KIF13A: variants seen among roughly 807,000 people sequenced by gnomAD.
The protein encoded by KIF13A is kinesin family member 13A, also known as kinesin-like protein KIF13A.
Under a neutral mutation model 212.2 loss-of-function variants are expected in KIF13A, and 79 were observed. The observed-to-expected ratio is 0.37, with a 90% CI of 0.31 to 0.45. The LOEUF (loss-of-function observed/expected upper bound fraction) is 0.45, where lower values mean the gene tolerates loss of function less well. KIF13A is among the 20% of genes least tolerant of loss of function. KIF13A has a pLI of 1.00. For synonymous variants in KIF13A, 789 were observed against 808.6 expected (o/e 0.98, Z 0.41); for missense variants, 1,901 against 2,209.0 (o/e 0.86, Z 2.79).
In KIF13A at chr6:17,834,487, A is replaced by T. The variant is rs563837289; in HGVS notation, c.1156-416T>A. The stretch of plus-strand genomic sequence containing the variant: ...AATTAATCTGCTAGAAAAGGTAAAG[A>T]CTTCTCATGTATTTTAAATTTTGAA... On this transcript the variant is annotated intron_variant, in intron 11 of 38. Transcript: ENST00000259711. The surrounding 1 kb of genome is among the most constrained non-coding windows in gnomAD (Gnocchi z 4.0). Among the ~76,000 whole-genome samples, 5 of 152,144 alleles carry T rather than the reference A, an allele frequency of 3.3e-5. No homozygotes were observed. The highest frequency in any genetic ancestry group is 7.4e-5 in the Non-Finnish European group (5 of 68,026).
Position 17,787,913 on chromosome 6 carries a change from C to T in KIF13A, c.3262-38G>A. ...AGGGAAAATATTTTCCTGTAGACTG[C>T]ACAGACAACGATTTCTTTCTTTCTT... On this transcript the variant is annotated intron_variant, in intron 26 of 38. Coordinates refer to ENST00000259711, the MANE Select transcript of KIF13A (RefSeq NM_022113.6). The surrounding 1 kb of genome is among the most constrained non-coding windows in gnomAD (Gnocchi z 4.6). The T allele has an allele frequency of 9.4e-7, 1 of 1,062,120 alleles. No individual in the cohort carries two copies. The highest frequency in any genetic ancestry group is 1.4e-6 in the Non-Finnish European group (1 of 696,018). 65.8% of individuals were successfully genotyped at this position (1,062,120 alleles called of 1,614,324 possible). A position where few individuals can be genotyped will look rare whatever the true frequency, so the allele number is the denominator to read the frequency against.
At chr6:17,804,010 G>C (rs183043514) in intron 20 of KIF13A, among the ~76,000 whole-genome samples, 1 of 152,120 alleles carries the variant, frequency 6.6e-6, no homozygotes, top group South Asian at 2.1e-4. Flanking sequence ...AAATTAGCCC[G>C]ATATGGTGGT....
chr6:17,822,039 ACTT>A (rs1404466584), intron 16 of KIF13A: 5 of 692,366 alleles, frequency 7.2e-6, no homozygotes, highest in African/African-American at 2.2e-5. Flanking sequence ...GGGAAACATA[ACTT>A]CTTTTTTTTT....
intron 4 of KIF13A, 48 bp downstream of exon 4, chr6:17,873,329 A>T (rs41267728): frequency 2.4e-6 from 3 of 1,260,578 alleles, no homozygotes; most frequent in Non-Finnish European, 3.4e-6. Flanking sequence ...ACTCAATGGA[A>T]GAAGAGGCCA....
intron 2 of KIF13A, among the ~76,000 whole-genome samples, chr6:17,908,108 C>G (rs1473114941): frequency 6.6e-6 from 1 of 152,258 alleles, no homozygotes; most frequent in Admixed American, 6.5e-5. Flanking sequence ...AAGGAAAAAT[C>G]TGTAAGACTT....
chr6:17,767,535 G>T (rs901123918), intron 38 of KIF13A, among the ~76,000 whole-genome samples: 1 of 152,194 alleles, frequency 6.6e-6, no homozygotes, highest in Non-Finnish European at 1.5e-5. Context: ...GATTACAGGT[G>T]TGAGCCACCA....
rs1401381542 is a variant in KIF13A, at chr6:17,808,909, G to A, written c.2022C>T (p.Ser674=). 6.2e-7 allele frequency: 1 copy of A among 1,612,640 alleles called. No homozygotes were observed. Among genetic ancestry groups the A allele is most frequent in the Non-Finnish European group, 8.5e-7 (1 of 1,179,294 alleles). ...AEERDELFRQ[S]LAKLREQLVK... is the part of the protein sequence containing the mutation. ...CCAGCTGCTCTCGCAGTTTTGCCAG[G>A]CTTTGTCGGAAGAGTTCATCCCTGC... is the stretch of plus-strand genomic sequence containing the variant. Residue 674 remains serine, a synonymous_variant, in exon 18 of 39, where the codon AGC becomes AGT. Transcript: ENST00000259711.
At position 17,795,157 on chromosome 6, in the gene KIF13A, T is replaced by C. The variant is rs78805465; in HGVS notation, c.2943-453A>G. ...TGTTTCTGAGATTCATCCATATGGA[T>C]ATAAACAGTTTTTTTCTTTTTTAAT... On this transcript the variant is annotated intron_variant, in intron 23 of 38. Coordinates refer to ENST00000259711, the MANE Select transcript of KIF13A (RefSeq NM_022113.6). 447 of 156,306 alleles carry C rather than the reference T, an allele frequency of 2.9e-3. 2 individuals carry two copies. Among genetic ancestry groups the C allele is most frequent in the African/African-American group, 9.8e-3 (407 of 41,672 alleles). 9.7% of individuals were successfully genotyped at this position (156,306 alleles called of 1,614,324 possible).
At chr6:17,937,611 G>C (rs1286202008) in intron 2 of KIF13A, among the ~76,000 whole-genome samples, 1 of 152,136 alleles carries the variant, frequency 6.6e-6, no homozygotes, top group African/African-American at 2.4e-5. Context: ...TGAAATTATA[G>C]TTTTATAGAT....
intron 2 of KIF13A, among the ~76,000 whole-genome samples, chr6:17,905,299 C>T (rs1192726606): frequency 6.6e-6 from 1 of 152,184 alleles, no homozygotes; most frequent in African/African-American, 2.4e-5. Context: ...CTAACTCCCA[C>T]AATGCATATT....
intron 9 of KIF13A, among the ~76,000 whole-genome samples, chr6:17,844,808 A>T (rs1179228730): frequency 1.3e-5 from 2 of 152,168 alleles, no homozygotes; most frequent in Non-Finnish European, 2.9e-5. Context: ...TAAGAAGGAC[A>T]CCCACCCTTG....
chr6:17,827,719 ACTATACTGCCCAGGTTAGT>A (rs1423195511), intron 14 of KIF13A, among the ~76,000 whole-genome samples: 1 of 151,482 alleles, frequency 6.6e-6, no homozygotes, highest in African/African-American at 2.4e-5. Context: ...ACGGTGTCTC[ACTATACTGCCCAGGTTAGT>A]CTTGAACTCC....
rs777227022 is a variant in KIF13A, at chr6:17,763,757, A to T, written c.*353T>A. 8 of 841,738 alleles carry T rather than the reference A, an allele frequency of 9.5e-6. No individual in the cohort carries two copies. Among genetic ancestry groups the T allele is most frequent in the Non-Finnish European group, 1.2e-5 (8 of 675,092 alleles). The allele number at this position is 841,738 out of a possible 1,614,324, so 52.1% of individuals were successfully genotyped here. ...AATGATACATAAAATAATGGTTCAT[A>T]TAATAATCAAAGGAATCACAGATTT... On this transcript the variant is annotated 3_prime_UTR_variant, in exon 39 of 39. Transcript: ENST00000259711.
intron 2 of KIF13A, among the ~76,000 whole-genome samples, chr6:17,906,130 G>GTCA (rs1019314566): frequency 2.0e-5 from 3 of 152,080 alleles, no homozygotes; most frequent in African/African-American, 7.2e-5. Context: ...AAAAAAGAGA[G>GTCA]TCATCAGATG....
rs1408996012 is a variant in KIF13A at position 17,919,805 on chromosome 6, T to C, written c.147-21625A>G. On this transcript the variant is annotated intron_variant, in intron 2 of 38. Transcript: ENST00000259711. The surrounding 1 kb of genome is among the most constrained non-coding windows in gnomAD (Gnocchi z 4.1). Reference sequence around the variant, plus strand: ...GCCCCTTTCACCATGTGGAAAATAATGGATGCTCATGATGACATCCAGCAG... The same window carrying C: ...GCCCCTTTCACCATGTGGAAAATAACGGATGCTCATGATGACATCCAGCAG... Among the ~76,000 whole-genome samples the C allele has an allele frequency of 6.6e-6, 1 of 152,158 alleles. No homozygotes were observed. Among genetic ancestry groups the C allele is most frequent in the African/African-American group, 2.4e-5 (1 of 41,434 alleles).
At chr6:17,857,892 C>T (rs556644289) in intron 4 of KIF13A, among the ~76,000 whole-genome samples, 22 of 151,904 alleles carry the variant, frequency 1.4e-4, no homozygotes, top group South Asian at 1.0e-3. Flanking sequence ...GTTAAATGCC[C>T]GTAAGTATGA....
rs1240705854 is a variant in KIF13A, at chr6:17,785,119, A to G, written c.3488+396T>C. Among the ~76,000 whole-genome samples, 1 of 152,228 alleles carries G rather than the reference A, an allele frequency of 6.6e-6. No individual in the cohort carries two copies. The highest frequency in any genetic ancestry group is 1.5e-5 in the Non-Finnish European group (1 of 68,046). On this transcript the variant is annotated intron_variant, in intron 28 of 38. Transcript: ENST00000259711. The surrounding 1 kb of genome is among the most constrained non-coding windows in gnomAD (Gnocchi z 5.8). Reference sequence around the variant, plus strand: ...ATACAAGATAGTATTATCATATATAAGGTATTTTATATACATTATCTCTAA... The same window carrying G: ...ATACAAGATAGTATTATCATATATAGGGTATTTTATATACATTATCTCTAA...
rs1222647286 is a variant in KIF13A, at chr6:17,883,433, A to C, written c.160-9996T>G. 6.6e-6 allele frequency among the ~76,000 whole-genome samples: 1 copy of C among 152,218 alleles called. No individual in the cohort carries two copies. The highest frequency in any genetic ancestry group is 1.5e-5 in the Non-Finnish European group (1 of 68,036). On this transcript the variant is annotated intron_variant, in intron 3 of 38. Coordinates refer to ENST00000259711, the MANE Select transcript of KIF13A (RefSeq NM_022113.6). This position sits in a 1 kb window ranked among gnomAD's most constrained non-coding sequence, Gnocchi z 4.8. ...TAATCAATCATGTAAATCTGTTTTC[A>C]CATGTGACATCTGCTTAAAATAGCA...
At position 17,850,809 on chromosome 6, in the gene KIF13A, C is replaced by T. The variant is rs115947400; in HGVS notation, c.583-352G>A. 7.1e-3 allele frequency among the ~76,000 whole-genome samples: 1,082 copies of T among 152,234 alleles called. 11 individuals carry two copies. The highest frequency in any genetic ancestry group is 0.024 in the African/African-American group (1,000 of 41,542). On this transcript the variant is annotated intron_variant, in intron 7 of 38. Transcript: ENST00000259711. The surrounding 1 kb of genome is among the most constrained non-coding windows in gnomAD (Gnocchi z 6.2). ...TCTTACTCTCCTGTGCTTACCAACC[C>T]GCTGATGCCTGCCTGTCTGCCTCCC...
Sources: gnomAD v4.1 joint callset for allele counts (sites outside exome capture counted in the v4.1 genomes callset) on GRCh38, gnomAD v4.1.1 for gene constraint, Gnocchi (gnomAD v3.1) non-coding constraint, MANE v1.5 for transcripts, NCBI Gene and HGNC (gene_info 2026-07-23, HGNC 2026-07-21) for gene names.